Variants in PTPRD observed in about 807,000 individuals in gnomAD.
PTPRD encodes receptor-type tyrosine-protein phosphatase delta.
A neutral mutation model predicts 214.5 loss-of-function variants in PTPRD; 34 were observed. That is an observed-to-expected ratio of 0.16 (90% CI 0.12 to 0.21). PTPRD has a LOEUF of 0.21. Among genes scored for constraint, PTPRD ranks in the 10% least tolerant of loss-of-function variants. The probability of loss-of-function intolerance (pLI) is 1.00; values close to 1 mark genes in which losing one functional copy is unlikely to be tolerated. For missense variants in PTPRD, 2,545 were observed against 2,398.7 expected (o/e 1.06, Z -1.27); for synonymous variants, 1,128 against 845.7 (o/e 1.33, Z -5.79).
intron 11 of PTPRD, among the ~76,000 whole-genome samples, chr9:8,870,549 C>A (rs1489213907): frequency 1.3e-5 from 2 of 152,118 alleles, no homozygotes; most frequent in East Asian, 3.9e-4. Flanking sequence ...CTTAGTAATG[C>A]CCTCGTGTGT....
chr9:9,780,830 A>G (rs1401267822), intron 5 of PTPRD, among the ~76,000 whole-genome samples: 3 of 152,244 alleles, frequency 2.0e-5, no homozygotes, highest in Non-Finnish European at 2.9e-5. Flanking sequence ...ATACATCCAC[A>G]TAGTGGAATA....
Position 9,505,322 on chromosome 9 carries a change from G to A in PTPRD, c.-237+69410C>T, listed in dbSNP as rs537824248. Among the ~76,000 whole-genome samples the A allele has an allele frequency of 3.4e-4, 52 of 151,336 alleles. No homozygotes were observed. In the South Asian group the frequency reaches 8.1e-3, roughly 24 times the overall value. The stretch of plus-strand genomic sequence containing the variant: ...TCTTCTTTATAGATCATTTCATATC[G>A]TCACGTCATTTTTCAATCGTGTTGG... On this transcript the variant is annotated intron_variant, in intron 8 of 45. Coordinates refer to ENST00000381196, the MANE Select transcript of PTPRD (RefSeq NM_002839.4).
At chr9:9,907,984 C>T (rs2153821290) in intron 5 of PTPRD, among the ~76,000 whole-genome samples, 1 of 151,690 alleles carries the variant, frequency 6.6e-6, no homozygotes, top group Middle Eastern at 3.4e-3. Context: ...TGTACCTGAC[C>T]TATAGCATCT....
intron 14 of PTPRD, among the ~76,000 whole-genome samples, chr9:8,536,932 C>G (rs1052477510): frequency 1.3e-5 from 2 of 152,016 alleles, no homozygotes; most frequent in African/African-American, 4.8e-5. Flanking sequence ...GTTTTCAAGT[C>G]ATTACATTTC....
At chr9:10,605,016 AT>A (rs543097201) in intron 2 of PTPRD, among the ~76,000 whole-genome samples, 81 of 151,806 alleles carry the variant, frequency 5.3e-4, no homozygotes, top group Middle Eastern at 3.4e-3. Context: ...TGTTTCCATG[AT>A]TTTTTTTAAG....
intron 9 of PTPRD, among the ~76,000 whole-genome samples, chr9:9,273,971 AT>A (rs977699325): frequency 6.6e-6 from 1 of 151,184 alleles, no homozygotes; most frequent in Non-Finnish European, 1.5e-5. Context: ...TAATCAACCT[AT>A]TTTTTTCTAC....
rs2132497324 is a variant in PTPRD, at chr9:8,341,776, C to G, written c.4864G>C (p.Ala1622Pro). ...AVTCGNTEVPARNLYAYIQKL... is the reference protein window; with the variant it reads ...AVTCGNTEVPPRNLYAYIQKL... ...TGAATGTAGGCATACAAGTTTCTAGCTGGCACTTCGGTATTTCCACAAGTC... is the reference window on the plus strand; with the variant it reads ...TGAATGTAGGCATACAAGTTTCTAGGTGGCACTTCGGTATTTCCACAAGTC... Residue 1622 changes from alanine (A) to proline (P), a missense_variant, in exon 40 of 46, where the codon GCT becomes CCT. Physicochemically the swap from Ala to Pro is conservative, Grantham distance 27. Transcript: ENST00000381196. 1 of 1,613,616 alleles carries G rather than the reference C, an allele frequency of 6.2e-7. No individual in the cohort carries two copies. Among genetic ancestry groups the G allele is most frequent in the Non-Finnish European group, 8.5e-7 (1 of 1,179,732 alleles).
intron 12 of PTPRD, among the ~76,000 whole-genome samples, chr9:8,642,381 T>C (rs76722753): frequency 0.09 from 13,677 of 152,260 alleles, 717 homozygotes; most frequent in East Asian, 0.17. Flanking sequence ...TTTAAAGGGC[T>C]GTTTGTCATA....
At chr9:8,330,552 T>G (rs932720434) in intron 44 of PTPRD, among the ~76,000 whole-genome samples, 3 of 116,052 alleles carry the variant, frequency 2.6e-5, no homozygotes, top group African/African-American at 1.7e-4. Flanking sequence ...CAAAGGATGT[T>G]TAATAACTCA....
At chr9:10,394,008 C>T (rs1401151482) in intron 2 of PTPRD, among the ~76,000 whole-genome samples, 1 of 146,634 alleles carries the variant, frequency 6.8e-6, no homozygotes, top group Non-Finnish European at 1.5e-5. Context: ...ATGGAATTTA[C>T]ATTACAGAAG....
intron 3 of PTPRD, among the ~76,000 whole-genome samples, chr9:10,264,102 C>A (rs912997699): frequency 6.6e-6 from 1 of 152,138 alleles, no homozygotes; most frequent in Admixed American, 6.5e-5. Flanking sequence ...TATGGGAACA[C>A]CTGGAAGTCC....
chr9:9,571,646 G>A (rs7850957), intron 8 of PTPRD, among the ~76,000 whole-genome samples: 5,929 of 150,898 alleles, frequency 0.039, 408 homozygotes, highest in African/African-American at 0.14. Context: ...TTGTTATAGT[G>A]CTGAATTTTC....
intron 14 of PTPRD, among the ~76,000 whole-genome samples, chr9:8,586,232 G>T (rs1008566925): frequency 6.6e-6 from 1 of 152,144 alleles, no homozygotes; most frequent in African/African-American, 2.4e-5. Context: ...CCCGGGAGGT[G>T]GAAGTTGCGG....
At chr9:9,605,354 T>C (rs1309711969) in intron 7 of PTPRD, among the ~76,000 whole-genome samples, 1 of 152,072 alleles carries the variant, frequency 6.6e-6, no homozygotes, top group Non-Finnish European at 1.5e-5. Context: ...TGACCTATAG[T>C]GTCTATGTCA....
At chr9:9,051,641 G>T (rs2099685758) in intron 10 of PTPRD, among the ~76,000 whole-genome samples, 1 of 151,710 alleles carries the variant, frequency 6.6e-6, no homozygotes, top group South Asian at 2.1e-4. Flanking sequence ...AAGCATTTTT[G>T]CAGGTATAAA....
rs764474694 is a variant in PTPRD, at chr9:8,524,966, G to A, written c.638C>T (p.Ala213Val). ...GGCAGGAGCGGAATAGCGAGTGCCC[G>A]CGCTGTTGGTGGCAACACACTCATA... Reference protein sequence around the residue: ...GKYECVATNSAGTRYSAPANL... With the variant: ...GKYECVATNSVGTRYSAPANL... Residue 213 changes from alanine to valine, a missense_variant, in exon 18 of 46, where the codon GCG (alanine) becomes GTG (valine). Physicochemically the swap from Ala to Val is moderately conservative, Grantham distance 64 (BLOSUM62 0). Transcript: ENST00000381196. 1.2e-5 allele frequency: 20 copies of A among 1,613,476 alleles called. No homozygotes were observed. Among genetic ancestry groups the A allele is most frequent in the South Asian group, 7.7e-5 (7 of 91,074 alleles).
At chr9:8,373,610 C>T (rs917542824) in intron 39 of PTPRD, among the ~76,000 whole-genome samples, 8 of 121,484 alleles carry the variant, frequency 6.6e-5, no homozygotes, top group Non-Finnish European at 1.3e-4. Flanking sequence ...AACATGGATG[C>T]GGGTGTGTGT....
intron 3 of PTPRD, among the ~76,000 whole-genome samples, chr9:10,094,011 T>A (rs1421312321): frequency 6.6e-6 from 1 of 151,222 alleles, no homozygotes; most frequent in Non-Finnish European, 1.5e-5. Context: ...GGTGATAGGA[T>A]CATCTGTACC....
rs141851697 is a variant in PTPRD at position 8,826,320 on chromosome 9, T to C, written c.-103-92374A>G. On this transcript the variant is annotated intron_variant, in intron 11 of 45. Coordinates refer to ENST00000381196, the MANE Select transcript of PTPRD (RefSeq NM_002839.4). ...ATAATTTATATATTTTTTAAATCCA[T>C]TGTTTCACCCCTCAGCCTACAATCC... Among the ~76,000 whole-genome samples, 23 of 152,274 alleles carry C rather than the reference T, an allele frequency of 1.5e-4. No homozygotes were observed. The East Asian group carries it at 4.1e-3, about 27-fold the overall frequency.
Sources: gnomAD v4.1 joint callset for allele counts (sites outside exome capture counted in the v4.1 genomes callset) on GRCh38, gnomAD v4.1.1 for gene constraint, MANE v1.5 for transcripts, NCBI Gene and HGNC (gene_info 2026-07-23, HGNC 2026-07-21) for gene names.